The following ADK variants were observed in gnomAD, a reference collection of about 807,000 sequenced individuals.
The protein encoded by ADK is adenosine kinase.
Under a neutral mutation model 44.7 loss-of-function variants are expected in ADK, and 24 were observed. The observed-to-expected ratio is 0.54, with a 90% CI of 0.39 to 0.76. The LOEUF (loss-of-function observed/expected upper bound fraction) is 0.76, where lower values mean the gene tolerates loss of function less well. ADK is among the 30% of genes least tolerant of loss of function. The pLI is 0.00. For missense variants in ADK, 321 were observed against 425.1 expected, an observed-to-expected ratio of 0.76 and a Z score of 2.15; for synonymous variants, 128 against 142.6, an observed-to-expected ratio of 0.90 and a Z score of 0.73.
chr10:74,444,065 C>A (rs1845513769), intron 6 of ADK, among the ~76,000 whole-genome samples: 1 of 152,064 alleles, frequency 6.6e-6, no homozygotes, highest in Admixed American at 6.5e-5. Context: ...TCCTGTCCCT[C>A]CATTTCAGGT....
At chr10:74,223,282 T>TC (rs1382979839) in intron 2 of ADK, among the ~76,000 whole-genome samples, 1 of 151,912 alleles carries the variant, frequency 6.6e-6, no homozygotes, top group Admixed American at 6.6e-5. Context: ...AGCCACCAGC[T>TC]CCCCTCCCAT....
chr10:74,291,198 C>T (rs536898535), intron 3 of ADK, among the ~76,000 whole-genome samples: 35 of 152,110 alleles, frequency 2.3e-4, no homozygotes, highest in Non-Finnish European at 4.0e-4. Flanking sequence ...GGGCGGATCA[C>T]GAGGTCAGGA....
intron 9 of ADK, among the ~76,000 whole-genome samples, chr10:74,657,779 GT>G (rs1315008219): frequency 6.6e-6 from 1 of 152,192 alleles, no homozygotes; most frequent in African/African-American, 2.4e-5. Flanking sequence ...GGAGTTCAAA[GT>G]TTAGTTGAGA....
At chr10:74,223,871 T>C (rs1339361210) in intron 2 of ADK, among the ~76,000 whole-genome samples, 1 of 152,104 alleles carries the variant, frequency 6.6e-6, no homozygotes, top group Non-Finnish European at 1.5e-5. Context: ...GTTGGATCAC[T>C]TGTGGTCAGG....
At position 74,458,254 on chromosome 10, in the gene ADK, C is replaced by G. The variant is rs556691511; in HGVS notation, c.555+59675C>G. Among the ~76,000 whole-genome samples, 8 of 146,552 alleles carry G rather than the reference C, an allele frequency of 5.5e-5. No individual in the cohort carries two copies. The East Asian group carries it at 1.6e-3, about 29-fold the overall frequency. ...CCAAGTGATCCTCTCACTTCAGGCT[C>G]CAAGTATCTGGACTCAAAGGCGTGC... On this transcript the variant is annotated intron_variant, in intron 6 of 10. Coordinates refer to ENST00000539909, the MANE Select transcript of ADK (RefSeq NM_006721.4).
intron 7 of ADK, among the ~76,000 whole-genome samples, chr10:74,547,481 A>C (rs28540400): frequency 9.2e-6 from 1 of 108,804 alleles, no homozygotes. Flanking sequence ...TTTTTATTTT[A>C]TTATTTTTTT....
At chr10:74,306,063 A>T (rs188801455) in intron 3 of ADK, among the ~76,000 whole-genome samples, 1 of 151,174 alleles carries the variant, frequency 6.6e-6, no homozygotes, top group East Asian at 1.9e-4. Context: ...TCTGCACCGC[A>T]CTTCTTTTCT....
At chr10:74,676,330 A>G (rs373934170) in intron 10 of ADK, among the ~76,000 whole-genome samples, 1 of 152,004 alleles carries the variant, frequency 6.6e-6, no homozygotes, top group Non-Finnish European at 1.5e-5. Flanking sequence ...GAGTTTTGCC[A>G]TGTTGGCCAG....
chr10:74,670,403 C>T (rs1294274119), intron 10 of ADK, 134 bp downstream of exon 10: 7 of 708,740 alleles, frequency 9.9e-6, no homozygotes, highest in Non-Finnish European at 1.7e-5. Flanking sequence ...AAGTTCTTTC[C>T]ATATACTTCT....
At chr10:74,587,795 C>T (rs1434521440) in intron 7 of ADK, among the ~76,000 whole-genome samples, 2 of 151,542 alleles carry the variant, frequency 1.3e-5, no homozygotes, top group Non-Finnish European at 2.9e-5. Flanking sequence ...TATTGCCTCC[C>T]TTTTCTATCT....
At chr10:74,368,221 C>A (rs1368505488) in intron 4 of ADK, among the ~76,000 whole-genome samples, 2 of 152,240 alleles carry the variant, frequency 1.3e-5, no homozygotes, top group East Asian at 1.9e-4. Flanking sequence ...TCCTGTGCTT[C>A]TTCTGCCCCA....
At chr10:74,617,621 G>A (rs1468259095) in intron 9 of ADK, among the ~76,000 whole-genome samples, 1 of 151,698 alleles carries the variant, frequency 6.6e-6, no homozygotes, top group Non-Finnish European at 1.5e-5. Context: ...TTTGAGAGAG[G>A]GTCTCGTCTT....
chr10:74,649,911 T>A (rs1854199165), intron 9 of ADK, among the ~76,000 whole-genome samples: 1 of 152,152 alleles, frequency 6.6e-6, no homozygotes, highest in Non-Finnish European at 1.5e-5. Context: ...TCTGTCTCCA[T>A]CCCTTCAAAA....
intron 2 of ADK, among the ~76,000 whole-genome samples, chr10:74,220,353 G>A (rs1844255887): frequency 6.6e-6 from 1 of 152,112 alleles, no homozygotes; most frequent in Admixed American, 6.6e-5. Context: ...ACCAATAACA[G>A]GCTCTGAAAT....
rs1354542593 is a variant in ADK, at chr10:74,243,227, G to C, written c.194+18636G>C. ...TCACCTGGGTGCTGCTGTGGGACCT[G>C]CATGGAGCTTTCTCTCGCTGGCTCC... On this transcript the variant is annotated intron_variant, in intron 3 of 10. Transcript: ENST00000539909. Among the ~76,000 whole-genome samples, 5 of 152,308 alleles carry C rather than the reference G, an allele frequency of 3.3e-5. No individual in the cohort carries two copies. The South Asian group carries it at 1.0e-3, about 32-fold the overall frequency.
intron 6 of ADK, chr10:74,423,694 A>T (rs887364536): frequency 9.0e-6 from 4 of 442,700 alleles, no homozygotes; most frequent in African/African-American, 4.1e-5. Context: ...TACAGTGACA[A>T]TGTTGGGGCT....
At chr10:74,368,339 G>A (rs1189957253) in intron 4 of ADK, among the ~76,000 whole-genome samples, 2 of 151,932 alleles carry the variant, frequency 1.3e-5, no homozygotes, top group East Asian at 3.9e-4. Flanking sequence ...GAATTTCTGG[G>A]CTCAAACAAT....
intron 9 of ADK, among the ~76,000 whole-genome samples, chr10:74,636,348 CTATT>C (rs1853622459): frequency 6.6e-6 from 1 of 152,020 alleles, no homozygotes; most frequent in Non-Finnish European, 1.5e-5. Flanking sequence ...AAGTGGGAAA[CTATT>C]GAAGGGTTTT....
At position 74,539,256 on chromosome 10, in the gene ADK, G is replaced by A. The variant is rs527870041; in HGVS notation, c.726+13830G>A. ...TGTCCAGGCTGTTCTCAAACTCCTG[G>A]CCTCAAGCAGTCTTCCCGCCTTGGC... On this transcript the variant is annotated intron_variant, in intron 7 of 10. Coordinates refer to ENST00000539909, the MANE Select transcript of ADK (RefSeq NM_006721.4). Among the ~76,000 whole-genome samples the A allele has an allele frequency of 5.3e-5, 8 of 152,188 alleles. No individual in the cohort carries two copies. In the East Asian group the frequency reaches 1.5e-3, roughly 29 times the overall value.
Sources: gnomAD v4.1 joint callset for allele counts (sites outside exome capture counted in the v4.1 genomes callset) on GRCh38, gnomAD v4.1.1 for gene constraint, MANE v1.5 for transcripts, NCBI Gene and HGNC (gene_info 2026-07-23, HGNC 2026-07-21) for gene names.